The following CNTN4 variants were observed in gnomAD, a reference collection of about 807,000 sequenced individuals.
CNTN4 encodes the protein contactin-4.
In CNTN4, 77 loss-of-function variants were observed where a neutral mutation model predicts 122.5. That is an observed-to-expected ratio of 0.63 (90% CI 0.52 to 0.76). The LOEUF (loss-of-function observed/expected upper bound fraction) is 0.76, where lower values mean the gene tolerates loss of function less well. CNTN4 is among the 30% of genes least tolerant of loss of function. CNTN4 has a pLI of 0.00. For synonymous variants in CNTN4, 512 were observed against 447.0 expected, an observed-to-expected ratio of 1.15 and a Z score of -1.83; for missense variants, 1,256 against 1,259.1, an observed-to-expected ratio of 1.00 and a Z score of 0.04.
At position 2,867,088 on chromosome 3, in the gene CNTN4, C is replaced by G. The variant is rs940024960; in HGVS notation, c.652+139C>G. On this transcript the variant is annotated intron_variant, in intron 8 of 24. Transcript: ENST00000418658. ...GTTTACTGCAGCCTATATTTGGTAC[C>G]CATATTTTCTCCACTTGTGTAAGAG... 4.2e-5 allele frequency: 32 copies of G among 769,132 alleles called. No individual in the cohort carries two copies. In the Admixed American group the frequency reaches 4.3e-4, roughly 10 times the overall value. 47.6% of individuals were successfully genotyped at this position (769,132 alleles called of 1,614,324 possible).
intron 6 of CNTN4, among the ~76,000 whole-genome samples, chr3:2,799,976 T>G (rs1222438634): frequency 1.3e-5 from 2 of 152,134 alleles, no homozygotes; most frequent in Non-Finnish European, 2.9e-5. Context: ...TTATCTATTC[T>G]AGTCTCTTGA....
intron 13 of CNTN4, among the ~76,000 whole-genome samples, chr3:2,965,514 G>A (rs1242557849): frequency 6.6e-6 from 1 of 152,180 alleles, no homozygotes; most frequent in Non-Finnish European, 1.5e-5. Flanking sequence ...TTAAGTTTAA[G>A]TAGCCACATT....
At chr3:3,035,325 G>A (rs1189786268) in intron 17 of CNTN4, among the ~76,000 whole-genome samples, 16 of 141,536 alleles carry the variant, frequency 1.1e-4, no homozygotes, top group African/African-American at 3.6e-4. Context: ...AAAAAAAAAA[G>A]TCTGTTGTGC....
chr3:2,576,068 C>T (rs1457002042), intron 4 of CNTN4, among the ~76,000 whole-genome samples: 1 of 152,094 alleles, frequency 6.6e-6, no homozygotes, highest in African/African-American at 2.4e-5. Context: ...ATCTCCTGAC[C>T]TTGTGATCTG....
intron 2 of CNTN4, among the ~76,000 whole-genome samples, chr3:2,120,351 TTA>T (rs1222126807): frequency 0.016 from 722 of 45,692 alleles, 15 homozygotes; most frequent in African/African-American, 0.036. Flanking sequence ...GGCATTTAGG[TTA>T]TATATATATA....
At chr3:2,890,951 T>C (rs2094032492) in intron 10 of CNTN4, among the ~76,000 whole-genome samples, 1 of 152,112 alleles carries the variant, frequency 6.6e-6, no homozygotes, top group African/African-American at 2.4e-5. Context: ...TTACTAAAGA[T>C]AAACATTTTC....
rs563750212 is a variant in CNTN4 at position 2,632,308 on chromosome 3, A to G, written c.55+60750A>G. ...TTTCAAAACCTTTTAGGTAAAGCCC[A>G]TGTTGGAGACTGACATATGACATTT... is the stretch of plus-strand genomic sequence containing the variant. On this transcript the variant is annotated intron_variant, in intron 4 of 24. Coordinates refer to ENST00000418658, the MANE Select transcript of CNTN4 (RefSeq NM_175607.3). Among the ~76,000 whole-genome samples, 6 of 152,298 alleles carry G rather than the reference A, an allele frequency of 3.9e-5. No individual in the cohort carries two copies. In the East Asian group the frequency reaches 9.6e-4, roughly 24 times the overall value.
Position 2,410,454 on chromosome 3 carries a change from G to C in CNTN4, c.-89+71221G>C, listed in dbSNP as rs557063740. ...TTTACCACATCAGGCAGTGGAAATA[G>C]AAAATGATATAAAATTAATCCCTTC... On this transcript the variant is annotated intron_variant, in intron 3 of 24. Coordinates refer to ENST00000418658, the MANE Select transcript of CNTN4 (RefSeq NM_175607.3). Among the ~76,000 whole-genome samples the C allele has an allele frequency of 7.9e-5, 12 of 152,290 alleles. No individual in the cohort carries two copies. The South Asian group carries it at 2.3e-3, about 29-fold the overall frequency.
chr3:2,248,705 C>G (rs917613858), intron 2 of CNTN4, among the ~76,000 whole-genome samples: 2 of 152,010 alleles, frequency 1.3e-5, no homozygotes, highest in Non-Finnish European at 2.9e-5. Flanking sequence ...CTTGAGCACT[C>G]TCTTCCGTTA....
In CNTN4 at chr3:2,549,856, A is replaced by G. The variant is rs528109532; in HGVS notation, c.-88-21560A>G. 5.3e-5 allele frequency among the ~76,000 whole-genome samples: 8 copies of G among 152,206 alleles called. No homozygotes were observed. The South Asian group carries it at 1.0e-3, about 20-fold the overall frequency. On this transcript the variant is annotated intron_variant, in intron 3 of 24. Transcript: ENST00000418658. ...GGCTTCTTTTGGTTGGTAGGCTATT[A>G]ATTACTGCTTCAATTTCAGAACTTG...
chr3:2,275,641 G>T (rs1423616508), intron 2 of CNTN4, among the ~76,000 whole-genome samples: 3 of 151,810 alleles, frequency 2.0e-5, no homozygotes, highest in Non-Finnish European at 2.9e-5. Flanking sequence ...TTAAATCTTG[G>T]CCAGGCGCGG....
At chr3:2,743,650 C>G (rs2089591836) in intron 5 of CNTN4, among the ~76,000 whole-genome samples, 1 of 152,158 alleles carries the variant, frequency 6.6e-6, no homozygotes, top group East Asian at 1.9e-4. Context: ...TTAAATTCAA[C>G]CAGCATTTAT....
rs116399323 is a variant in CNTN4 at position 2,385,953 on chromosome 3, G to A, written c.-89+46720G>A. 8.4e-4 allele frequency among the ~76,000 whole-genome samples: 128 copies of A among 152,018 alleles called. 1 individual carries two copies. Among genetic ancestry groups the A allele is most frequent in the African/African-American group, 2.6e-3 (108 of 41,490 alleles). ...GCATTCTCACTCAGCAGTCGCTCCC[G>A]AGAATCCTTCTTTTTATGTTCAGAA... On this transcript the variant is annotated intron_variant, in intron 3 of 24. Transcript: ENST00000418658. The surrounding 1 kb of genome is among the most constrained non-coding windows in gnomAD (Gnocchi z 4.0).
chr3:2,168,490 ATTCT>A (rs1174725627), intron 2 of CNTN4, among the ~76,000 whole-genome samples: 3 of 152,156 alleles, frequency 2.0e-5, no homozygotes, highest in Non-Finnish European at 4.4e-5. Flanking sequence ...TAAATGCATC[ATTCT>A]TAAATATGAA....
intron 13 of CNTN4, among the ~76,000 whole-genome samples, chr3:2,949,964 C>A (rs1363507991): frequency 6.6e-6 from 1 of 152,182 alleles, no homozygotes; most frequent in Non-Finnish European, 1.5e-5. Context: ...TATCTTATCC[C>A]ATTTGAATAA....
At chr3:3,038,332 T>C (rs192794072) in intron 18 of CNTN4, among the ~76,000 whole-genome samples, 3 of 152,150 alleles carry the variant, frequency 2.0e-5, no homozygotes, top group African/African-American at 7.2e-5. Flanking sequence ...GAGGTTAAGC[T>C]CAGTGAGCCG....
intron 2 of CNTN4, among the ~76,000 whole-genome samples, chr3:2,122,154 C>CA (rs140011839): frequency 0.42 from 57,583 of 138,044 alleles, 11,855 homozygotes; most frequent in Admixed American, 0.49. Context: ...CACTCCATCT[C>CA]AAAAAAAAAA....
intron 4 of CNTN4, among the ~76,000 whole-genome samples, chr3:2,646,244 A>C (rs925388045): frequency 6.6e-6 from 1 of 152,222 alleles, no homozygotes; most frequent in African/African-American, 2.4e-5. Context: ...TGTAATAAAC[A>C]TATATAAACA....
rs151184658 is a variant in CNTN4, at chr3:2,790,437, G to A, written c.359-29049G>A. Reference sequence around the variant, plus strand: ...TTCTGAAAGATCTTCAGGGATAGTCGTTTCACAAGCTCCTCAGAAGGGAAA... The same window carrying A: ...TTCTGAAAGATCTTCAGGGATAGTCATTTCACAAGCTCCTCAGAAGGGAAA... On this transcript the variant is annotated intron_variant, in intron 6 of 24. Coordinates refer to ENST00000418658, the MANE Select transcript of CNTN4 (RefSeq NM_175607.3). Among the ~76,000 whole-genome samples the A allele has an allele frequency of 1.8e-3, 279 of 152,286 alleles. 1 individual carries two copies. Among genetic ancestry groups the A allele is most frequent in the Non-Finnish European group, 3.2e-3 (218 of 68,016 alleles).
Sources: gnomAD v4.1 joint callset for allele counts (sites outside exome capture counted in the v4.1 genomes callset) on GRCh38, gnomAD v4.1.1 for gene constraint, Gnocchi (gnomAD v3.1) non-coding constraint, MANE v1.5 for transcripts, NCBI Gene and HGNC (gene_info 2026-07-23, HGNC 2026-07-21) for gene names.